ALX4: variants seen among roughly 807,000 people sequenced by gnomAD.
ALX4 encodes the protein ALX homeobox 4.
ALX4 carries 22 observed loss-of-function variants against 40.6 expected under a neutral mutation model. That is an observed-to-expected ratio of 0.54 (90% confidence interval 0.39 to 0.77). ALX4 has a LOEUF of 0.77. Among genes scored for constraint, ALX4 ranks in the 30% least tolerant of loss-of-function variants. The probability of loss-of-function intolerance (pLI) is 0.00; values close to 1 mark genes in which losing one functional copy is unlikely to be tolerated. For synonymous variants in ALX4, 266 were observed against 240.5 expected (o/e 1.11, Z -0.98); for missense variants, 556 against 564.8 (o/e 0.98, Z 0.16).
intron 2 of ALX4, among the ~76,000 whole-genome samples, chr11:44,270,056 C>G (rs1159321083): frequency 2.6e-5 from 4 of 152,078 alleles, no homozygotes; most frequent in African/African-American, 9.7e-5. Context: ...CCTACAGGCT[C>G]TGGAACAGAG....
At chr11:44,308,198 G>T (rs2119917300) in intron 1 of ALX4, among the ~76,000 whole-genome samples, 1 of 152,374 alleles carries the variant, frequency 6.6e-6, no homozygotes, top group East Asian at 1.9e-4. Context: ...GATGCTCTCT[G>T]CGTGTGTGTG....
chr11:44,308,863 A>G (rs1437481138), intron 1 of ALX4, among the ~76,000 whole-genome samples: 1 of 152,228 alleles, frequency 6.6e-6, no homozygotes, highest in African/African-American at 2.4e-5. Context: ...TGCCGCCTCC[A>G]AGAATCGCCG....
chr11:44,271,969 C>T (rs1956250661), intron 2 of ALX4, among the ~76,000 whole-genome samples: 1 of 152,238 alleles, frequency 6.6e-6, no homozygotes, highest in East Asian at 1.9e-4. Context: ...ACCTACAGGG[C>T]TGTCCCATAA....
At chr11:44,266,849 G>A (rs780741681) in intron 3 of ALX4, among the ~76,000 whole-genome samples, 13 of 152,092 alleles carry the variant, frequency 8.5e-5, no homozygotes, top group African/African-American at 2.2e-4. Context: ...AAATGCTCTG[G>A]GGGGAGGGGA....
At position 44,260,855 on chromosome 11, in the gene ALX4, G is replaced by A. The variant is rs369328027; in HGVS notation, c.*3999C>T. The A allele has an allele frequency of 1.3e-4, 20 of 152,192 alleles. No individual in the cohort carries two copies. The East Asian group carries it at 3.7e-3, about 28-fold the overall frequency. The allele number at this position is 152,192 out of a possible 1,614,324, so 9.4% of individuals were successfully genotyped here. A position where few individuals can be genotyped will look rare whatever the true frequency, so the allele number is the denominator to read the frequency against. ...TCTTACAATGAGAACAATAAGTAAC[G>A]GTTGAGGTTCATGTTCCTTCTAGCA... On this transcript the variant is annotated 3_prime_UTR_variant, in exon 4 of 4. Coordinates refer to ENST00000652299, the MANE Select transcript of ALX4 (RefSeq NM_021926.4).
chr11:44,267,359 A>G, intron 3 of ALX4, 135 bp downstream of exon 3: 1 of 1,186,146 alleles, frequency 8.4e-7, no homozygotes, highest in East Asian at 2.6e-5. Context: ...ATAAACAGGC[A>G]CACCCCTGGA....
chr11:44,309,845 A>G lies in ALX4; in HGVS notation c.218T>C (p.Leu73Pro). 1 of 1,558,054 alleles carries G rather than the reference A, an allele frequency of 6.4e-7. No homozygotes were observed. The highest frequency in any genetic ancestry group is 8.7e-7 in the Non-Finnish European group (1 of 1,150,512). Residue 73 changes from leucine (L) to proline (P), a missense_variant, in exon 1 of 4, where the codon CTG becomes CCG. Physicochemically the swap from Leu to Pro is moderately conservative, Grantham distance 98 (BLOSUM62 -3). Coordinates refer to ENST00000652299, the MANE Select transcript of ALX4 (RefSeq NM_021926.4). Reference protein sequence around the residue: ...RARYGAGQQDLATPLESGAGA... With the variant: ...RARYGAGQQDPATPLESGAGA... ...AGCTCCACTCTCCAGGGGTGTCGCC[A>G]GGTCCTGCTGCCCAGCGCCGTAACG...
chr11:44,297,736 A>G (rs956274888), intron 1 of ALX4, among the ~76,000 whole-genome samples: 1 of 151,990 alleles, frequency 6.6e-6, no homozygotes, highest in Non-Finnish European at 1.5e-5. Flanking sequence ...AAAATAAAAT[A>G]AAATAAAATA....
chr11:44,267,625 A>C lies in ALX4; in HGVS notation c.778-3T>G. 6.2e-7 allele frequency: 1 copy of C among 1,614,134 alleles called. No homozygotes were observed. Among genetic ancestry groups the C allele is most frequent in the Middle Eastern group, 1.6e-4 (1 of 6,062 alleles). On this transcript the variant is annotated splice_region_variant and splice_polypyrimidine_tract_variant and intron_variant, in intron 2 of 3. Coordinates refer to ENST00000652299, the MANE Select transcript of ALX4 (RefSeq NM_021926.4). ...GCCCTTCGGTTCTGGAACCAGACCT[A>C]CAAGACGCGAAAAAGCCATTGTCAC...
intron 1 of ALX4, among the ~76,000 whole-genome samples, chr11:44,289,211 G>C (rs1257763104): frequency 6.6e-6 from 1 of 152,212 alleles, no homozygotes; most frequent in Non-Finnish European, 1.5e-5. Context: ...GGTATTGCCA[G>C]TCAAGGAAGG....
chr11:44,275,527 TG>T lies in ALX4; in HGVS notation c.597del (p.Ser200AlafsTer50). 6.2e-7 allele frequency: 1 copy of T among 1,614,198 alleles called. No homozygotes were observed. Among genetic ancestry groups the T allele is most frequent in the Non-Finnish European group, 8.5e-7 (1 of 1,180,018 alleles). ...TCTGAGTCGGCCTTCTCCAATGGGC[TG>T]GGGAGGTCTGAGCTGGCCCGGTCCT... ...GPQDRASSDL[P>X]SPLEKADSES... On this transcript the variant is annotated frameshift_variant, in exon 2 of 4. Transcript: ENST00000652299. LOFTEE classifies it high-confidence loss of function.
chr11:44,277,298 G>C (rs564198970), intron 1 of ALX4, among the ~76,000 whole-genome samples: 7 of 152,342 alleles, frequency 4.6e-5, no homozygotes, highest in Non-Finnish European at 7.3e-5. Flanking sequence ...TTGGGCACAG[G>C]AGCATGTGCA....
intron 1 of ALX4, among the ~76,000 whole-genome samples, chr11:44,279,555 T>G (rs906359177): frequency 6.6e-6 from 1 of 152,200 alleles, no homozygotes; most frequent in African/African-American, 2.4e-5. Flanking sequence ...GCAAGACGGC[T>G]GCTGAAAATA....
chr11:44,268,135 T>G (rs1269161732), intron 2 of ALX4, among the ~76,000 whole-genome samples: 1 of 152,048 alleles, frequency 6.6e-6, no homozygotes, highest in African/African-American at 2.4e-5. Context: ...TTGGAGACAG[T>G]CTCCCAGCTC....
At chr11:44,294,882 T>C (rs1019407818) in intron 1 of ALX4, among the ~76,000 whole-genome samples, 3 of 151,896 alleles carry the variant, frequency 2.0e-5, no homozygotes, top group Admixed American at 6.6e-5. Context: ...AGAGTTTCGC[T>C]CTTCTTGCCC....
At chr11:44,293,167 GGAAGC>G (rs1565007539) in intron 1 of ALX4, among the ~76,000 whole-genome samples, 6 of 38,036 alleles carry the variant, frequency 1.6e-4, no homozygotes, top group African/African-American at 3.9e-4. Context: ...AAGGAAGGAA[GGAAGC>G]AGGCAGGCAG....
intron 3 of ALX4, 84 bp from the exon 4 acceptor site, chr11:44,265,267 C>T (rs1203930690): frequency 2.4e-6 from 3 of 1,251,840 alleles, no homozygotes; most frequent in African/African-American, 3.0e-5. Context: ...GAGCACCTCT[C>T]CCCTCACTGT....
intron 2 of ALX4, among the ~76,000 whole-genome samples, chr11:44,270,652 C>T (rs1400379765): frequency 5.3e-5 from 8 of 152,256 alleles, no homozygotes; most frequent in South Asian, 2.1e-4. Context: ...CCAACCCCCA[C>T]GCCCGTTCCT....
At chr11:44,267,686 G>A in intron 2 of ALX4, 64 bp from the exon 3 acceptor site, 1 of 1,610,230 alleles carries the variant, frequency 6.2e-7, no homozygotes, top group Admixed American at 1.7e-5. Context: ...CTCACTTTCA[G>A]GCAGTGCAAA....
Sources: gnomAD v4.1 joint callset for allele counts (sites outside exome capture counted in the v4.1 genomes callset) on GRCh38, gnomAD v4.1.1 for gene constraint, MANE v1.5 for transcripts, NCBI Gene and HGNC (gene_info 2026-07-23, HGNC 2026-07-21) for gene names.